The following PTPRM variants were observed in gnomAD, a reference collection of about 807,000 sequenced individuals.
PTPRM encodes the protein receptor-type tyrosine-protein phosphatase mu.
In PTPRM, 47 loss-of-function variants were observed where a neutral mutation model predicts 186.7. The observed-to-expected ratio is 0.25, with a 90% CI of 0.20 to 0.32. The LOEUF (loss-of-function observed/expected upper bound fraction) is 0.32, where lower values mean the gene tolerates loss of function less well. Ranked by LOEUF, PTPRM falls within the 10% of genes least tolerant of loss-of-function variation. The pLI, the probability that PTPRM is intolerant of heterozygous loss-of-function variation, is 1.00. For synonymous variants in PTPRM, 668 were observed against 674.9 expected, an observed-to-expected ratio of 0.99 and a Z score of 0.16; for missense variants, 1,494 against 1,865.0, an observed-to-expected ratio of 0.80 and a Z score of 3.66.
At chr18:7,581,042 C>G (rs2036832229) in intron 1 of PTPRM, among the ~76,000 whole-genome samples, 1 of 152,134 alleles carries the variant, frequency 6.6e-6, no homozygotes, top group Non-Finnish European at 1.5e-5. Context: ...GCAATATAAC[C>G]CATCAACTTT....
intron 14 of PTPRM, among the ~76,000 whole-genome samples, chr18:8,179,763 C>T (rs866168051): frequency 2.6e-4 from 39 of 152,186 alleles, no homozygotes; most frequent in African/African-American, 7.9e-4. Flanking sequence ...CCACTGTGCC[C>T]GGCCTAAATA....
chr18:7,703,051 A>G (rs1298170484), intron 1 of PTPRM, among the ~76,000 whole-genome samples: 1 of 152,140 alleles, frequency 6.6e-6, no homozygotes, highest in Non-Finnish European at 1.5e-5. Context: ...CTGTTTTGGT[A>G]CCAGTACCAT....
intron 30 of PTPRM, among the ~76,000 whole-genome samples, chr18:8,385,316 A>G (rs1323512732): frequency 6.6e-6 from 1 of 152,246 alleles, no homozygotes; most frequent in East Asian, 1.9e-4. Context: ...TATTGTCAGA[A>G]ATCAGACAAT....
intron 1 of PTPRM, among the ~76,000 whole-genome samples, chr18:7,583,735 G>A (rs990944479): frequency 1.3e-5 from 2 of 152,312 alleles, no homozygotes; most frequent in Non-Finnish European, 1.5e-5. Context: ...AAATCCCGTA[G>A]ATAGAACTGT....
intron 19 of PTPRM, among the ~76,000 whole-genome samples, chr18:8,292,670 T>A (rs979678045): frequency 6.6e-6 from 1 of 152,242 alleles, no homozygotes; most frequent in Admixed American, 6.5e-5. Flanking sequence ...GGATAAGAAG[T>A]TGGGAGGCTC....
intron 1 of PTPRM, among the ~76,000 whole-genome samples, chr18:7,733,588 T>A (rs1009549487): frequency 6.6e-6 from 1 of 152,186 alleles, no homozygotes; most frequent in African/African-American, 2.4e-5. Context: ...TATAATCCTT[T>A]GAGAATATGC....
At chr18:7,639,789 T>C (rs1014798061) in intron 1 of PTPRM, among the ~76,000 whole-genome samples, 1 of 152,246 alleles carries the variant, frequency 6.6e-6, no homozygotes, top group African/African-American at 2.4e-5. Flanking sequence ...GATTTCTTGC[T>C]GTATTTTCAT....
At chr18:7,787,749 C>G (rs1404223757) in intron 2 of PTPRM, among the ~76,000 whole-genome samples, 2 of 152,202 alleles carry the variant, frequency 1.3e-5, no homozygotes, top group African/African-American at 4.8e-5. Context: ...ACTCTTTGGT[C>G]TTAGGACTCC....
At chr18:8,009,583 C>T (rs1446833156) in intron 7 of PTPRM, among the ~76,000 whole-genome samples, 2 of 152,114 alleles carry the variant, frequency 1.3e-5, no homozygotes, top group Non-Finnish European at 2.9e-5. Context: ...TGGCGCACGC[C>T]TGTAGTCCCA....
At position 8,372,056 on chromosome 18, in the gene PTPRM, CTTTTTTTTTTTTT is replaced by C. The variant is rs557766971; in HGVS notation, c.3171+1064_3171+1076del. Among the ~76,000 whole-genome samples the C allele has an allele frequency of 1.0e-3, 61 of 59,068 alleles. 4 individuals are homozygous for C. Among genetic ancestry groups the C allele is most frequent in the Non-Finnish European group, 2.0e-3 (52 of 26,310 alleles). 38.8% of individuals were successfully genotyped at this position (59,068 alleles called of 152,430 possible). On this transcript the variant is annotated intron_variant, in intron 24 of 32. Transcript: ENST00000580170. Reference sequence around the variant, plus strand: ...TTGGCCTTCCTCTCCACTCTATATTCTTTTTTTTTTTTTTTTTTTTTTTTTTAAGACGGAGTCT... The same window carrying C: ...TTGGCCTTCCTCTCCACTCTATATTCTTTTTTTTTTTTTAAGACGGAGTCT...
intron 23 of PTPRM, among the ~76,000 whole-genome samples, chr18:8,345,489 C>A (rs2095500256): frequency 6.6e-6 from 1 of 151,610 alleles, no homozygotes; most frequent in South Asian, 2.1e-4. Context: ...ATATGACTTT[C>A]CAAAACTGAC....
intron 1 of PTPRM, among the ~76,000 whole-genome samples, chr18:7,739,901 C>G (rs919130814): frequency 6.6e-6 from 1 of 152,158 alleles, no homozygotes; most frequent in African/African-American, 2.4e-5. Flanking sequence ...GTATTTACCA[C>G]TTTGTATTTC....
chr18:8,078,741 C>T (rs1359073143), intron 9 of PTPRM, among the ~76,000 whole-genome samples: 1 of 152,166 alleles, frequency 6.6e-6, no homozygotes, highest in Non-Finnish European at 1.5e-5. Context: ...GCATCTGCTC[C>T]AGGCGAGGGT....
intron 2 of PTPRM, among the ~76,000 whole-genome samples, chr18:7,817,924 G>A (rs891632816): frequency 6.6e-6 from 1 of 152,128 alleles, no homozygotes; most frequent in African/African-American, 2.4e-5. Flanking sequence ...AGCTTTGAAA[G>A]AAGAAAAAAT....
chr18:8,166,120 C>T (rs1477699053), intron 14 of PTPRM, among the ~76,000 whole-genome samples: 2 of 152,276 alleles, frequency 1.3e-5, no homozygotes, highest in Non-Finnish European at 2.9e-5. Context: ...TTTATTGATC[C>T]ACTGCAGAAA....
At chr18:8,317,302 G>C (rs890866643) in intron 21 of PTPRM, among the ~76,000 whole-genome samples, 4 of 151,212 alleles carry the variant, frequency 2.6e-5, no homozygotes, top group African/African-American at 9.9e-5. Flanking sequence ...GAGGGAGAGA[G>C]GGGTCAAGGA....
chr18:7,704,803 A>G (rs1456418780), intron 1 of PTPRM, among the ~76,000 whole-genome samples: 1 of 152,158 alleles, frequency 6.6e-6, no homozygotes, highest in East Asian at 1.9e-4. Flanking sequence ...TACTTATTTA[A>G]ATCTGTGAAA....
At position 7,832,781 on chromosome 18, in the gene PTPRM, G is replaced by T. The variant is rs529242542; in HGVS notation, c.197-55325G>T. Among the ~76,000 whole-genome samples the T allele has an allele frequency of 2.6e-3, 397 of 152,186 alleles. 2 individuals are homozygous for T. The highest frequency in any genetic ancestry group is 8.6e-3 in the African/African-American group (356 of 41,530). ...TAGATTGAAGTCTTTAATCCATTTT[G>T]ATTTGATTTTTGTATATGGTGAGAG... On this transcript the variant is annotated intron_variant, in intron 2 of 32. Coordinates refer to ENST00000580170, the MANE Select transcript of PTPRM (RefSeq NM_001105244.2).
intron 19 of PTPRM, among the ~76,000 whole-genome samples, chr18:8,274,569 G>A (rs1203911845): frequency 6.6e-6 from 1 of 152,078 alleles, no homozygotes; most frequent in East Asian, 1.9e-4. Context: ...CAGTGCCTGA[G>A]CTGTGCTGGC....
Sources: allele counts gnomAD v4.1 joint callset (sites outside exome capture counted in the v4.1 genomes callset), GRCh38; gene constraint gnomAD v4.1.1; transcripts MANE v1.5; gene names NCBI Gene and HGNC (gene_info 2026-07-23, HGNC 2026-07-21).